The following TCERG1L variants were observed in gnomAD, a reference collection of about 807,000 sequenced individuals.
TCERG1L encodes transcription elongation regulator 1-like protein.
TCERG1L carries 37 observed loss-of-function variants against 56.3 expected under a neutral mutation model. That is an observed-to-expected ratio of 0.66 (90% CI 0.51 to 0.87). The LOEUF (loss-of-function observed/expected upper bound fraction) is 0.87, where lower values mean the gene tolerates loss of function less well. TCERG1L is among the 40% of genes least tolerant of loss of function. TCERG1L has a pLI of 0.00. For missense variants in TCERG1L, 799 were observed against 774.2 expected, an observed-to-expected ratio of 1.03 and a Z score of -0.38; for synonymous variants, 324 against 326.3, an observed-to-expected ratio of 0.99 and a Z score of 0.08.
intron 4 of TCERG1L, among the ~76,000 whole-genome samples, chr10:131,176,427 TGTACACACA>T (rs1564807948): frequency 1.1e-4 from 1 of 9,444 alleles, no homozygotes; most frequent in Non-Finnish European, 1.9e-4. Context: ...CCAAGACACA[TGTACACACA>T]GAGATACGTG....
At chr10:131,228,052 G>A (rs1348135818) in intron 4 of TCERG1L, among the ~76,000 whole-genome samples, 1 of 150,980 alleles carries the variant, frequency 6.6e-6, no homozygotes, top group Non-Finnish European at 1.5e-5. Context: ...TGTTTTCTCA[G>A]TGGCATTGCA....
rs776280302 is a variant in TCERG1L, at chr10:131,163,222, AAG to A, written c.946-14_946-13del. 4 of 1,519,502 alleles carry A rather than the reference AAG, an allele frequency of 2.6e-6. No homozygotes were observed. The Admixed American group carries it at 7.2e-5, about 27-fold the overall frequency. 94.1% of individuals were successfully genotyped at this position (1,519,502 alleles called of 1,614,324 possible). A position where few individuals can be genotyped will look rare whatever the true frequency, so the allele number is the denominator to read the frequency against. Reference sequence around the variant, plus strand: ...ATCGGTGGAGGCTCCTTTCAACAGAAAGAGACAGGGGAGTGGCTTTTAATTTT... The same window carrying A: ...ATCGGTGGAGGCTCCTTTCAACAGAAAGACAGGGGAGTGGCTTTTAATTTT... On this transcript the variant is annotated splice_polypyrimidine_tract_variant and intron_variant, in intron 5 of 11. Coordinates refer to ENST00000368642, the MANE Select transcript of TCERG1L (RefSeq NM_174937.4).
chr10:131,194,075 T>C (rs926674720), intron 4 of TCERG1L, among the ~76,000 whole-genome samples: 1 of 152,002 alleles, frequency 6.6e-6, no homozygotes, highest in Non-Finnish European at 1.5e-5. Flanking sequence ...CCCAGCGGCG[T>C]GCCTAGGCTT....
chr10:131,183,122 A>G (rs1283080900), intron 4 of TCERG1L, among the ~76,000 whole-genome samples: 2 of 152,162 alleles, frequency 1.3e-5, no homozygotes, highest in African/African-American at 4.8e-5. Flanking sequence ...ATGCATTTTT[A>G]TGACAAGGGC....
chr10:131,202,051 G>T (rs1845443229), intron 4 of TCERG1L, among the ~76,000 whole-genome samples: 1 of 152,208 alleles, frequency 6.6e-6, no homozygotes, highest in South Asian at 2.1e-4. Flanking sequence ...GAACTGCTGG[G>T]TTAAACAGAC....
chr10:131,144,358 G>A (rs961567593), intron 7 of TCERG1L, among the ~76,000 whole-genome samples: 9 of 152,128 alleles, frequency 5.9e-5, no homozygotes, highest in East Asian at 5.8e-4. Flanking sequence ...CGCGACGAAC[G>A]ATCGGCCAGG....
chr10:131,152,849 A>T (rs1845880230), intron 6 of TCERG1L, among the ~76,000 whole-genome samples: 1 of 152,188 alleles, frequency 6.6e-6, no homozygotes, highest in African/African-American at 2.4e-5. Flanking sequence ...GTGGCAGAAG[A>T]GAGAATGAGT....
chr10:131,196,210 C>T (rs936363558), intron 4 of TCERG1L, among the ~76,000 whole-genome samples: 3 of 152,240 alleles, frequency 2.0e-5, no homozygotes, highest in Non-Finnish European at 4.4e-5. Context: ...ATCGGACTTC[C>T]GCCACTGGAG....
intron 3 of TCERG1L, among the ~76,000 whole-genome samples, chr10:131,283,839 A>G (rs1846490821): frequency 6.6e-6 from 1 of 152,194 alleles, no homozygotes; most frequent in African/African-American, 2.4e-5. Context: ...GATAAACAGT[A>G]TAAAAGAAAA....
intron 4 of TCERG1L, among the ~76,000 whole-genome samples, chr10:131,200,111 G>A (rs1209373984): frequency 1.3e-5 from 2 of 152,208 alleles, no homozygotes; most frequent in African/African-American, 4.8e-5. Context: ...TGGCAATGCA[G>A]GCTTTTCCCA....
chr10:131,236,397 C>T (rs987613922), intron 4 of TCERG1L, among the ~76,000 whole-genome samples: 3 of 152,220 alleles, frequency 2.0e-5, no homozygotes, highest in African/African-American at 7.2e-5. Flanking sequence ...GACCACATGA[C>T]ACAGCCATGC....
chr10:131,115,514 C>T lies in TCERG1L; in HGVS notation c.1395+1285G>A, dbSNP rs188371942. 9.8e-5 allele frequency among the ~76,000 whole-genome samples: 15 copies of T among 152,390 alleles called. No homozygotes were observed. In the East Asian group the frequency reaches 2.1e-3, roughly 22 times the overall value. On this transcript the variant is annotated intron_variant, in intron 9 of 11. Coordinates refer to ENST00000368642, the MANE Select transcript of TCERG1L (RefSeq NM_174937.4). ...ACATCGCGCCAGGGCCGGATCCACACGCGCGCGTCCACGTCGCGCTCTGTG... is the reference window on the plus strand; with the variant it reads ...ACATCGCGCCAGGGCCGGATCCACATGCGCGCGTCCACGTCGCGCTCTGTG...
chr10:131,233,058 C>T (rs1385971404), intron 4 of TCERG1L, among the ~76,000 whole-genome samples: 1 of 152,224 alleles, frequency 6.6e-6, no homozygotes, highest in Non-Finnish European at 1.5e-5. Flanking sequence ...GCTAAACTCC[C>T]TGAGGGAGAA....
intron 4 of TCERG1L, among the ~76,000 whole-genome samples, chr10:131,247,131 G>A (rs888737900): frequency 6.6e-6 from 1 of 152,164 alleles, no homozygotes; most frequent in African/African-American, 2.4e-5. Flanking sequence ...AAACAGGAAA[G>A]TAAACTGAAT....
chr10:131,165,870 T>C (rs1439984513), intron 5 of TCERG1L, among the ~76,000 whole-genome samples: 1 of 152,248 alleles, frequency 6.6e-6, no homozygotes, highest in African/African-American at 2.4e-5. Context: ...TTGTTCCACG[T>C]TGAAGTCATA....
At chr10:131,160,502 C>T (rs1430151839) in intron 6 of TCERG1L, among the ~76,000 whole-genome samples, 3 of 152,162 alleles carry the variant, frequency 2.0e-5, no homozygotes, top group African/African-American at 7.2e-5. Context: ...GCCCAGCACC[C>T]GCCATTCATT....
At chr10:131,163,316 T>TTTTTAATG in intron 5 of TCERG1L, 106 bp from the exon 6 acceptor site, 1 of 900,638 alleles carries the variant, frequency 1.1e-6, no homozygotes, top group South Asian at 1.9e-5. Context: ...GCAGGCAGCT[T>TTTTTAATG]ATAGTAGCCA....
At position 131,311,252 on chromosome 10, in the gene TCERG1L, G is replaced by A; in HGVS notation, c.342+42C>T. The A allele has an allele frequency of 1.7e-6, 2 of 1,194,010 alleles. No individual in the cohort carries two copies. Among genetic ancestry groups the A allele is most frequent in the Non-Finnish European group, 2.1e-6 (2 of 962,178 alleles). 74.0% of individuals were successfully genotyped at this position (1,194,010 alleles called of 1,614,324 possible). ...CGGGCAGGGCGCGCCCAGGAGCAGG[G>A]GAGACGGCGACCCGGGCCGAGGCGG... On this transcript the variant is annotated intron_variant, in intron 1 of 11. Coordinates refer to ENST00000368642, the MANE Select transcript of TCERG1L (RefSeq NM_174937.4). This position sits in a 1 kb window ranked among gnomAD's most constrained non-coding sequence, Gnocchi z 4.0.
intron 4 of TCERG1L, among the ~76,000 whole-genome samples, chr10:131,172,506 A>C (rs1846104061): frequency 2.0e-5 from 3 of 152,254 alleles, no homozygotes; most frequent in African/African-American, 7.2e-5. Flanking sequence ...AGGCTGGAGG[A>C]AACTGGGAGG....
Sources: gnomAD v4.1 joint callset for allele counts (sites outside exome capture counted in the v4.1 genomes callset) on GRCh38, gnomAD v4.1.1 for gene constraint, Gnocchi (gnomAD v3.1) non-coding constraint, MANE v1.5 for transcripts, NCBI Gene and HGNC (gene_info 2026-07-23, HGNC 2026-07-21) for gene names.